Variants in ZNF804B observed in about 807,000 individuals in gnomAD.
ZNF804B encodes zinc finger protein 804B.
In ZNF804B, 80 loss-of-function variants were observed where a neutral mutation model predicts 101.4. That is an observed-to-expected ratio of 0.79 (90% CI 0.66 to 0.95). ZNF804B has a LOEUF of 0.95. Among genes scored for constraint, ZNF804B ranks in the 40% least tolerant of loss-of-function variants. The pLI is 0.00. For missense variants in ZNF804B, 1,673 were observed against 1,561.9 expected (o/e 1.07, Z -1.20); for synonymous variants, 622 against 558.8 (o/e 1.11, Z -1.59).
chr7:89,052,955 C>G (rs1343883027), intron 1 of ZNF804B, among the ~76,000 whole-genome samples: 2 of 152,134 alleles, frequency 1.3e-5, no homozygotes, highest in African/African-American at 4.8e-5. Context: ...TGTCTGTATT[C>G]CTCCAGCTTA....
intron 1 of ZNF804B, among the ~76,000 whole-genome samples, chr7:88,888,390 T>C (rs1240613504): frequency 6.6e-6 from 1 of 152,104 alleles, no homozygotes; most frequent in Non-Finnish European, 1.5e-5. Flanking sequence ...AGAGTCTGCC[T>C]CAAAAATATA....
At chr7:88,856,331 A>G (rs1282337275) in intron 1 of ZNF804B, among the ~76,000 whole-genome samples, 1 of 152,134 alleles carries the variant, frequency 6.6e-6, no homozygotes, top group Non-Finnish European at 1.5e-5. Flanking sequence ...CATCCCTTGT[A>G]AGTTGTATTC....
intron 1 of ZNF804B, among the ~76,000 whole-genome samples, chr7:88,965,746 G>C (rs1793444541): frequency 6.6e-6 from 1 of 151,442 alleles, no homozygotes. Context: ...AGTGAATTGA[G>C]AGTATTTGCT....
chr7:89,069,429 A>G (rs1228728680), intron 1 of ZNF804B, among the ~76,000 whole-genome samples: 1 of 152,202 alleles, frequency 6.6e-6, no homozygotes, highest in Admixed American at 6.6e-5. Flanking sequence ...GGAATTTTTG[A>G]AACCAGAAAA....
At chr7:89,275,452 G>C (rs1479902186) in intron 2 of ZNF804B, among the ~76,000 whole-genome samples, 1 of 151,860 alleles carries the variant, frequency 6.6e-6, no homozygotes, top group African/African-American at 2.4e-5. Context: ...AATCAAAATG[G>C]ATAATGATCT....
At chr7:88,899,119 T>C (rs1033692114) in intron 1 of ZNF804B, among the ~76,000 whole-genome samples, 1 of 152,216 alleles carries the variant, frequency 6.6e-6, no homozygotes, top group African/African-American at 2.4e-5. Context: ...GCTTCTGATA[T>C]TTGATCAGTG....
At chr7:88,926,206 A>G (rs184962856) in intron 1 of ZNF804B, among the ~76,000 whole-genome samples, 1 of 152,280 alleles carries the variant, frequency 6.6e-6, no homozygotes, top group Admixed American at 6.5e-5. Flanking sequence ...ATCTTACGGA[A>G]AAAGGTAGAA....
intron 1 of ZNF804B, among the ~76,000 whole-genome samples, chr7:88,956,219 C>T (rs941830211): frequency 6.6e-6 from 1 of 151,504 alleles, no homozygotes; most frequent in Non-Finnish European, 1.5e-5. Flanking sequence ...TATGATCCAG[C>T]AATCCCAGCA....
At chr7:89,002,924 A>G (rs555471977) in intron 1 of ZNF804B, among the ~76,000 whole-genome samples, 1 of 152,098 alleles carries the variant, frequency 6.6e-6, no homozygotes, top group African/African-American at 2.4e-5. Flanking sequence ...AGTAAACTCA[A>G]TTCTTGAATG....
chr7:88,937,435 G>A (rs1241498880), intron 1 of ZNF804B, among the ~76,000 whole-genome samples: 1 of 152,022 alleles, frequency 6.6e-6, no homozygotes, highest in Non-Finnish European at 1.5e-5. Context: ...AAATATTAGG[G>A]AAGCTATTTA....
At chr7:89,197,343 C>T (rs909056274) in intron 1 of ZNF804B, among the ~76,000 whole-genome samples, 5 of 151,878 alleles carry the variant, frequency 3.3e-5, no homozygotes, top group African/African-American at 1.2e-4. Flanking sequence ...GGACAATATG[C>T]GTTGCCACAA....
chr7:88,909,488 C>A (rs1792517941), intron 1 of ZNF804B, among the ~76,000 whole-genome samples: 1 of 151,764 alleles, frequency 6.6e-6, no homozygotes, highest in African/African-American at 2.4e-5. Flanking sequence ...AAATCTTCCT[C>A]TTTGTTTTTC....
chr7:89,114,334 C>G (rs1450068280), intron 1 of ZNF804B, among the ~76,000 whole-genome samples: 1 of 152,140 alleles, frequency 6.6e-6, no homozygotes, highest in Admixed American at 6.5e-5. Flanking sequence ...ATTTTCAACT[C>G]CTTCTCCCTA....
intron 1 of ZNF804B, among the ~76,000 whole-genome samples, chr7:89,024,256 G>T (rs1040650403): frequency 1.3e-5 from 2 of 152,094 alleles, no homozygotes; most frequent in Non-Finnish European, 2.9e-5. Flanking sequence ...ATATTAGATA[G>T]CTATTAATTT....
At chr7:88,876,011 C>A (rs1236477810) in intron 1 of ZNF804B, among the ~76,000 whole-genome samples, 1 of 152,114 alleles carries the variant, frequency 6.6e-6, no homozygotes, top group Non-Finnish European at 1.5e-5. Context: ...TCAATATATG[C>A]AAATCAATAA....
intron 2 of ZNF804B, among the ~76,000 whole-genome samples, chr7:89,250,751 A>ATAGG (rs1212092629): frequency 6.6e-6 from 1 of 152,204 alleles, no homozygotes; most frequent in Non-Finnish European, 1.5e-5. Context: ...GCATGATCAA[A>ATAGG]TAGGCTTCAT....
chr7:89,245,744 C>A (rs1789434118), intron 2 of ZNF804B, among the ~76,000 whole-genome samples: 1 of 152,070 alleles, frequency 6.6e-6, no homozygotes, highest in Non-Finnish European at 1.5e-5. Flanking sequence ...TGGGAATCCA[C>A]CAGAATAATG....
intron 1 of ZNF804B, among the ~76,000 whole-genome samples, chr7:89,125,814 T>C (rs1790468032): frequency 6.6e-6 from 1 of 151,946 alleles, no homozygotes; most frequent in Non-Finnish European, 1.5e-5. Flanking sequence ...ACTCCAATAA[T>C]CTAAAATAAT....
chr7:88,867,682 A>G (rs931183481), intron 1 of ZNF804B, among the ~76,000 whole-genome samples: 1 of 152,204 alleles, frequency 6.6e-6, no homozygotes, highest in African/African-American at 2.4e-5. Context: ...CAATCATGCA[A>G]CTTTCTAACA....
Sources: allele counts gnomAD v4.1 joint callset (sites outside exome capture counted in the v4.1 genomes callset), GRCh38; gene constraint gnomAD v4.1.1; transcripts MANE v1.5; gene names NCBI Gene and HGNC (gene_info 2026-07-23, HGNC 2026-07-21).